Variants in IL7 observed in about 807,000 individuals in gnomAD.
The protein encoded by IL7 is interleukin-7.
Under a neutral mutation model 21.6 loss-of-function variants are expected in IL7, and 3 were observed. The observed-to-expected ratio is 0.14, with a 90% confidence interval of 0.06 to 0.36. The LOEUF is 0.36. Among genes scored for constraint, IL7 ranks in the 10% least tolerant of loss-of-function variants. The pLI, the probability that IL7 is intolerant of heterozygous loss-of-function variation, is 1.00. For synonymous variants in IL7, 62 were observed against 68.1 expected (o/e 0.91, Z 0.44); for missense variants, 175 against 200.2 (o/e 0.87, Z 0.76).
At chr8:78,703,916 C>G (rs181366849) in intron 3 of IL7, among the ~76,000 whole-genome samples, 5 of 152,222 alleles carry the variant, frequency 3.3e-5, no homozygotes, top group Admixed American at 2.6e-4. Flanking sequence ...TGTAGTGGCT[C>G]GTAATTGTCT....
intron 2 of IL7, among the ~76,000 whole-genome samples, chr8:78,743,304 G>A (rs920825277): frequency 6.6e-6 from 1 of 152,164 alleles, no homozygotes; most frequent in African/African-American, 2.4e-5. Flanking sequence ...AGGTCTTTGA[G>A]AAATTGCCAT....
At chr8:78,774,822 C>T (rs1563430744) in intron 2 of IL7, among the ~76,000 whole-genome samples, 2 of 151,982 alleles carry the variant, frequency 1.3e-5, no homozygotes, top group Non-Finnish European at 1.5e-5. Flanking sequence ...GTCCTCAGTG[C>T]TTTTTTATGC....
rs539604569 is a variant in IL7, at chr8:78,760,036, A to G, written c.148-19954T>C. The G allele has an allele frequency of 4.3e-3, 4,293 of 986,952 alleles. 22 individuals are homozygous for G. Among genetic ancestry groups the G allele is most frequent in the Non-Finnish European group, 4.8e-3 (3,444 of 714,470 alleles). 61.1% of individuals were successfully genotyped at this position (986,952 alleles called of 1,614,324 possible). A position where few individuals can be genotyped will look rare whatever the true frequency, so the allele number is the denominator to read the frequency against. On this transcript the variant is annotated intron_variant, in intron 2 of 5. Transcript: ENST00000263851. ...AGATTATCAATGGCTAATGTATTCA[A>G]TGGAGTCCTATAGGCAAAGATATTT...
intron 2 of IL7, among the ~76,000 whole-genome samples, chr8:78,759,003 T>C (rs868681772): frequency 2.6e-5 from 4 of 151,960 alleles, no homozygotes; most frequent in African/African-American, 9.7e-5. Context: ...ATTTGTTTGC[T>C]TTATGGTGTC....
At chr8:78,678,778 A>C in intron 4 of IL7, 1 of 697,674 alleles carries the variant, frequency 1.4e-6, no homozygotes, top group South Asian at 3.0e-5. Context: ...AAACACAATT[A>C]TCTGCTACAT....
chr8:78,804,997 C>T lies in IL7; in HGVS notation c.-75G>A. The T allele has an allele frequency of 6.5e-7, 1 of 1,526,804 alleles. No homozygotes were observed. Among genetic ancestry groups the T allele is most frequent in the Non-Finnish European group, 8.9e-7 (1 of 1,117,534 alleles). The allele number at this position is 1,526,804 out of a possible 1,614,324, so 94.6% of individuals were successfully genotyped here. ...CAAGCTCTCACCGCCCATAGTCACT[C>T]CCAGGACCCTGGTCTTCCGCGGAGT... On this transcript the variant is annotated 5_prime_UTR_variant, in exon 1 of 6. Transcript: ENST00000263851.
chr8:78,732,202 A>G (rs1545228), downstream of IL7, among the ~76,000 whole-genome samples: 47,837 of 151,962 alleles, frequency 0.31, 8,378 homozygotes, highest in African/African-American at 0.47. Flanking sequence ...AAAAATGTTA[A>G]TCAACTCATC....
intron 1 of IL7, 144 bp from the exon 2 acceptor site, chr8:78,798,352 G>A (rs928580712): frequency 1.7e-6 from 1 of 588,590 alleles, no homozygotes; most frequent in Non-Finnish European, 2.9e-6. Context: ...AACCTCAAAA[G>A]TTGAACTTAT....
At chr8:78,759,539 G>A (rs2130757797) in intron 2 of IL7, among the ~76,000 whole-genome samples, 1 of 152,146 alleles carries the variant, frequency 6.6e-6, no homozygotes, top group Non-Finnish European at 1.5e-5. Context: ...GCTCCACAAA[G>A]GAATGTAAAC....
chr8:78,724,393 A>T (rs1182573471), intron 3 of IL7, among the ~76,000 whole-genome samples: 1 of 151,972 alleles, frequency 6.6e-6, no homozygotes, highest in African/African-American at 2.4e-5. Context: ...ATCTGTTTTC[A>T]TATATTTGCC....
chr8:78,711,333 A>G (rs776671613), intron 3 of IL7, among the ~76,000 whole-genome samples: 16 of 152,090 alleles, frequency 1.1e-4, no homozygotes, highest in African/African-American at 2.2e-4. Context: ...TTGTCCTGCT[A>G]TCCTCTAGAT....
chr8:78,759,248 A>T (rs2250983), intron 2 of IL7, among the ~76,000 whole-genome samples: 29,053 of 148,778 alleles, frequency 0.2, 4,134 homozygotes, highest in African/African-American at 0.39. Flanking sequence ...CAAAACTCAC[A>T]TTTTATTTAG....
intron 3 of IL7, among the ~76,000 whole-genome samples, chr8:78,726,686 C>CA (rs1811346920): frequency 1.3e-5 from 2 of 151,920 alleles, no homozygotes; most frequent in South Asian, 4.2e-4. Flanking sequence ...AGAGTTGAAG[C>CA]AAACTGAGAC....
At chr8:78,731,757 TG>T (rs1350991507), downstream of IL7, among the ~76,000 whole-genome samples, 1 of 152,038 alleles carries the variant, frequency 6.6e-6, no homozygotes, top group Non-Finnish European at 1.5e-5. Flanking sequence ...CATAAGTGTG[TG>T]GGTAATTTTT....
At chr8:78,699,943 T>C (rs1366603332) in intron 3 of IL7, among the ~76,000 whole-genome samples, 1 of 152,130 alleles carries the variant, frequency 6.6e-6, no homozygotes, top group East Asian at 1.9e-4. Flanking sequence ...TGTGTGTCTT[T>C]ATAATAGAAT....
chr8:78,708,959 C>T (rs1044534834), intron 3 of IL7, among the ~76,000 whole-genome samples: 1 of 152,078 alleles, frequency 6.6e-6, no homozygotes, highest in Non-Finnish European at 1.5e-5. Context: ...AGCCACCACG[C>T]CCGGCCAAAA....
At chr8:78,710,714 G>A (rs1321822659) in intron 3 of IL7, among the ~76,000 whole-genome samples, 1 of 151,304 alleles carries the variant, frequency 6.6e-6, no homozygotes, top group Non-Finnish European at 1.5e-5. Flanking sequence ...CCAATAGATG[G>A]GTTTCTTTGT....
chr8:78,716,535 A>C (rs1811111029), downstream of IL7, among the ~76,000 whole-genome samples: 1 of 152,206 alleles, frequency 6.6e-6, no homozygotes, highest in South Asian at 2.1e-4. Context: ...ACTAAAATAA[A>C]TACTAGAAGC....
intron 2 of IL7, among the ~76,000 whole-genome samples, chr8:78,791,369 G>A (rs1813688469): frequency 1.3e-5 from 2 of 152,200 alleles, no homozygotes; most frequent in Non-Finnish European, 2.9e-5. Flanking sequence ...GCCAAGCACA[G>A]TGACTCATGC....
Sources: allele counts gnomAD v4.1 joint callset (sites outside exome capture counted in the v4.1 genomes callset), GRCh38; gene constraint gnomAD v4.1.1; transcripts MANE v1.5; gene names NCBI Gene and HGNC (gene_info 2026-07-23, HGNC 2026-07-21).